The following OR3A2 variants were observed in gnomAD, a reference collection of about 807,000 sequenced individuals.
The protein encoded by OR3A2 is olfactory receptor family 3 subfamily A member 2.
For synonymous variants in OR3A2, 126 were observed against 159.3 expected (o/e 0.79, Z 1.57); for missense variants, 318 against 392.8 (o/e 0.81, Z 1.61).
At chr17:3,285,606 G>A (rs1218143729), upstream of OR3A2, among the ~76,000 whole-genome samples, 1 of 152,076 alleles carries the variant, frequency 6.6e-6, no homozygotes, top group Non-Finnish European at 1.5e-5. Flanking sequence ...GGGTAACATG[G>A]TAAAACCCCA....
intron 2 of OR3A2, among the ~76,000 whole-genome samples, chr17:3,351,931 GAAAGGATTCCCTACTTAATA>G (rs1222477438): frequency 6.6e-6 from 1 of 152,174 alleles, no homozygotes; most frequent in Admixed American, 6.6e-5. Flanking sequence ...AAGCAATGGG[GAAAGGATTCCCTACTTAATA>G]AATGGTGCTG....
At position 3,371,467 on chromosome 17, in the gene OR3A2, G is replaced by A. The variant is rs1303454007; in HGVS notation, c.-179+12337C>T. Among the ~76,000 whole-genome samples, 46 of 140,218 alleles carry A rather than the reference G, an allele frequency of 3.3e-4. 2 individuals are homozygous for A. In the South Asian group the frequency reaches 4.6e-3, roughly 14 times the overall value. 92.0% of individuals were successfully genotyped at this position (140,218 alleles called of 152,430 possible). A position where few individuals can be genotyped will look rare whatever the true frequency, so the allele number is the denominator to read the frequency against. ...CCGGACGGGGTGGCTGGCTGGGCGGGGGGCTGATCCCCCCACCTCCCTCCC... is the reference window on the plus strand; with the variant it reads ...CCGGACGGGGTGGCTGGCTGGGCGGAGGGCTGATCCCCCCACCTCCCTCCC... On this transcript the variant is annotated intron_variant, in intron 2 of 4. Transcript: ENST00000573491.
chr17:3,284,393 A>C (rs2048794782), upstream of OR3A2: 1 of 152,046 alleles, frequency 6.6e-6, no homozygotes, highest in Non-Finnish European at 1.5e-5. Flanking sequence ...AGGTTTCTTC[A>C]GGAAAGAAGG....
At position 3,311,296 on chromosome 17, in the gene OR3A2, CTCT is replaced by C; in HGVS notation, c.-85+24734_-85+24736del. On this transcript the variant is annotated intron_variant, in intron 3 of 4. Coordinates refer to the OR3A2 transcript ENST00000573491. This position sits in a 1 kb window ranked among gnomAD's most constrained non-coding sequence, Gnocchi z 4.6. ...TCCCTATGCTGCCTGCAGTTCACAGCTCTTCTTTCCCCACCTCCTGGCTGGGGT... is the reference window on the plus strand; with the variant it reads ...TCCCTATGCTGCCTGCAGTTCACAGCTCTTTCCCCACCTCCTGGCTGGGGT... 1.9e-6 allele frequency: 1 copy of C among 535,114 alleles called. No homozygotes were observed. Among genetic ancestry groups the C allele is most frequent in the South Asian group, 1.4e-5 (1 of 71,598 alleles). The allele number at this position is 535,114 out of a possible 1,614,324, so 33.1% of individuals were successfully genotyped here.
At chr17:3,294,179 TA>T (rs370174016) in intron 3 of OR3A2, among the ~76,000 whole-genome samples, 2,287 of 137,870 alleles carry the variant, frequency 0.017, 36 homozygotes, top group African/African-American at 0.052. Context: ...AAAAATAAAA[TA>T]AAAAAAAAAC....
chr17:3,277,910 T>C, exon 2 of OR3A2: 1 of 1,515,844 alleles, frequency 6.6e-7, no homozygotes, highest in South Asian at 1.3e-5. Context: ...CTGGTTACTG[T>C]CTTCATGGGA....
At chr17:3,286,862 C>T (rs914685906), upstream of OR3A2, among the ~76,000 whole-genome samples, 11 of 152,176 alleles carry the variant, frequency 7.2e-5, no homozygotes, top group African/African-American at 1.4e-4. Flanking sequence ...TCTCCCATTC[C>T]GTAGGTTGCC....
At chr17:3,298,032 C>G (rs2048933645) in intron 3 of OR3A2, among the ~76,000 whole-genome samples, 1 of 151,898 alleles carries the variant, frequency 6.6e-6, no homozygotes, top group Non-Finnish European at 1.5e-5. Flanking sequence ...GTTCTGAGGA[C>G]TCATTTGGGA....
intron 3 of OR3A2, among the ~76,000 whole-genome samples, chr17:3,289,406 T>C (rs1001081797): frequency 6.6e-6 from 1 of 152,226 alleles, no homozygotes; most frequent in Non-Finnish European, 1.5e-5. Context: ...CCTTTGGCCA[T>C]TGTCTATGAT....
chr17:3,386,285 C>T (rs907712972), exon 1 of OR3A2: 5 of 398,638 alleles, frequency 1.3e-5, no homozygotes, highest in East Asian at 1.1e-4. Flanking sequence ...GCGGCCATGT[C>T]CTACGACCGC....
At chr17:3,371,947 C>G (rs1297324711) in intron 2 of OR3A2, among the ~76,000 whole-genome samples, 1 of 148,354 alleles carries the variant, frequency 6.7e-6, no homozygotes, top group East Asian at 2.2e-4. Context: ...CCCTCCCGGA[C>G]GGGGTGGCTG....
At chr17:3,375,688 C>G (rs993340484) in intron 2 of OR3A2, among the ~76,000 whole-genome samples, 1 of 152,050 alleles carries the variant, frequency 6.6e-6, no homozygotes, top group South Asian at 2.1e-4. Context: ...TGCTATATTA[C>G]CAGAATTACT....
At chr17:3,341,310 T>C (rs898811736) in intron 2 of OR3A2, among the ~76,000 whole-genome samples, 1 of 152,220 alleles carries the variant, frequency 6.6e-6, no homozygotes, top group Admixed American at 6.5e-5. Flanking sequence ...GTCATTATGA[T>C]GTTAGCTGGT....
chr17:3,375,241 TTTTTC>T (rs2049672950), intron 2 of OR3A2, among the ~76,000 whole-genome samples: 1 of 76,346 alleles, frequency 1.3e-5, no homozygotes, highest in Non-Finnish European at 2.3e-5. Flanking sequence ...TTTTTTTTTT[TTTTTC>T]CCCCCCTTTT....
intron 2 of OR3A2, among the ~76,000 whole-genome samples, chr17:3,343,167 C>A (rs1597350384): frequency 6.6e-6 from 1 of 152,186 alleles, no homozygotes. Flanking sequence ...TCTGTCATGG[C>A]TTCCCTTGTC....
chr17:3,277,613 C>G, exon 2 of OR3A2: 1 of 184,040 alleles, frequency 5.4e-6, no homozygotes, highest in Non-Finnish European at 1.2e-5. Flanking sequence ...CTTGGCAGAA[C>G]CTGACTTCAT....
At chr17:3,370,510 G>A (rs1316110965) in intron 2 of OR3A2, among the ~76,000 whole-genome samples, 1 of 151,660 alleles carries the variant, frequency 6.6e-6, no homozygotes, top group East Asian at 1.9e-4. Flanking sequence ...TTTTTTGTTT[G>A]GATTTCATTT....
chr17:3,288,246 C>CAAAAAAAAAAAAAAAAAAAAAAAAAAAAA, upstream of OR3A2, among the ~76,000 whole-genome samples: 1 of 73,486 alleles, frequency 1.4e-5, no homozygotes, highest in Non-Finnish European at 2.8e-5. Context: ...ACCAAAAGGG[C>CAAAAAAAAAAAAAAAAAAAAAAAAAAAAA]AAAAAAAAAA....
At chr17:3,303,966 T>C (rs1010724485) in intron 3 of OR3A2, among the ~76,000 whole-genome samples, 3 of 110,506 alleles carry the variant, frequency 2.7e-5, no homozygotes, top group Non-Finnish European at 5.1e-5. Context: ...TTGGTACTAA[T>C]ATATATATAT....
Sources: gnomAD v4.1 joint callset for allele counts (sites outside exome capture counted in the v4.1 genomes callset) on GRCh38, gnomAD v4.1.1 for gene constraint, Gnocchi (gnomAD v3.1) non-coding constraint, MANE v1.5 for transcripts, NCBI Gene and HGNC (gene_info 2026-07-23, HGNC 2026-07-21) for gene names.